SNTG1: variants seen among roughly 807,000 people sequenced by gnomAD.
SNTG1 encodes the protein gamma-1-syntrophin.
A neutral mutation model predicts 74.7 loss-of-function variants in SNTG1; 39 were observed. The observed-to-expected ratio is 0.52, with a 90% CI of 0.40 to 0.68. The LOEUF is 0.68. SNTG1 is among the 30% of genes least tolerant of loss of function. SNTG1 has a pLI of 0.00. For missense variants in SNTG1, 685 were observed against 609.5 expected (o/e 1.12, Z -1.30); for synonymous variants, 254 against 217.1 (o/e 1.17, Z -1.49).
intron 2 of SNTG1, among the ~76,000 whole-genome samples, chr8:50,225,128 G>A (rs767759017): frequency 2.6e-5 from 4 of 152,018 alleles, no homozygotes; most frequent in Admixed American, 6.6e-5. Flanking sequence ...CCACCACCAC[G>A]TCCAGCTAAT....
At position 50,088,441 on chromosome 8, in the gene SNTG1, A is replaced by G. The variant is rs1395613544; in HGVS notation, c.-102-84120A>G. ...AGGAGAAGGAAATAAAGGGTATTCA[A>G]TTAGGAAAAGAGGAAGTCAAATTGT... On this transcript the variant is annotated intron_variant, in intron 1 of 18. Coordinates refer to ENST00000642720, the MANE Select transcript of SNTG1 (RefSeq NM_018967.5). Among the ~76,000 whole-genome samples the G allele has an allele frequency of 1.3e-3, 166 of 127,670 alleles. 1 individual carries two copies. Among genetic ancestry groups the G allele is most frequent in the Non-Finnish European group, 2.0e-3 (121 of 59,216 alleles). 83.8% of individuals were successfully genotyped at this position (127,670 alleles called of 152,430 possible). A position where few individuals can be genotyped will look rare whatever the true frequency, so the allele number is the denominator to read the frequency against.
At chr8:49,929,017 CGTA>C (rs2129353569) in intron 1 of SNTG1, among the ~76,000 whole-genome samples, 1 of 151,692 alleles carries the variant, frequency 6.6e-6, no homozygotes, top group African/African-American at 2.4e-5. Context: ...CAAACACAAA[CGTA>C]GTATAGGAAA....
At chr8:50,774,811 A>C (rs1219103776) in intron 18 of SNTG1, among the ~76,000 whole-genome samples, 1 of 151,664 alleles carries the variant, frequency 6.6e-6, no homozygotes, top group African/African-American at 2.4e-5. Context: ...AATAACCCAA[A>C]GAAGTGGGGG....
intron 8 of SNTG1, among the ~76,000 whole-genome samples, chr8:50,465,759 CT>C (rs1164917711): frequency 6.6e-6 from 1 of 152,072 alleles, no homozygotes; most frequent in Non-Finnish European, 1.5e-5. Context: ...AGATTTATGA[CT>C]TTTTTCCTGG....
At chr8:50,431,454 T>C (rs1230060088) in intron 4 of SNTG1, among the ~76,000 whole-genome samples, 1 of 152,340 alleles carries the variant, frequency 6.6e-6, no homozygotes, top group Admixed American at 6.5e-5. Flanking sequence ...TTGAAGGACA[T>C]CTTATTTGGC....
chr8:50,181,545 G>A (rs2083206206), intron 2 of SNTG1, among the ~76,000 whole-genome samples: 1 of 151,874 alleles, frequency 6.6e-6, no homozygotes, highest in African/African-American at 2.4e-5. Context: ...AATTTAATTG[G>A]GTTTAACTGG....
chr8:50,689,493 C>G (rs2095367966), intron 15 of SNTG1, among the ~76,000 whole-genome samples: 1 of 152,090 alleles, frequency 6.6e-6, no homozygotes, highest in African/African-American at 2.4e-5. Context: ...TTTTCTGCAT[C>G]TATTGAGATA....
chr8:50,054,862 A>G (rs987727907), intron 1 of SNTG1, among the ~76,000 whole-genome samples: 5 of 151,984 alleles, frequency 3.3e-5, no homozygotes, highest in Admixed American at 3.3e-4. Context: ...TTTATTGTAG[A>G]AATGGGGTCT....
chr8:49,994,239 T>A (rs12545072), intron 1 of SNTG1, among the ~76,000 whole-genome samples: 95,905 of 148,720 alleles, frequency 0.64, 34,793 homozygotes, highest in East Asian at 0.83. Flanking sequence ...ATATTCAAGA[T>A]TATTATTTTT....
At chr8:50,008,220 G>T (rs1024297032) in intron 1 of SNTG1, among the ~76,000 whole-genome samples, 1 of 152,064 alleles carries the variant, frequency 6.6e-6, no homozygotes, top group African/African-American at 2.4e-5. Context: ...TTTTGGACAG[G>T]AATATTCACT....
intron 8 of SNTG1, among the ~76,000 whole-genome samples, chr8:50,465,495 T>C (rs1268945458): frequency 2.0e-5 from 3 of 152,224 alleles, no homozygotes; most frequent in Non-Finnish European, 4.4e-5. Flanking sequence ...TCTTTGATTG[T>C]AAATTCAATG....
chr8:49,958,203 G>A (rs995616300), intron 1 of SNTG1, among the ~76,000 whole-genome samples: 3 of 152,110 alleles, frequency 2.0e-5, no homozygotes, highest in African/African-American at 7.2e-5. Flanking sequence ...CCCAGCCTAT[G>A]GGGATCACAG....
chr8:50,646,677 A>C (rs2095111201), intron 13 of SNTG1, among the ~76,000 whole-genome samples: 1 of 152,194 alleles, frequency 6.6e-6, no homozygotes, highest in South Asian at 2.1e-4. Context: ...ACAAATGTAG[A>C]AATGTAATTA....
intron 18 of SNTG1, among the ~76,000 whole-genome samples, chr8:50,763,900 CACACACAA>C (rs1208373248): frequency 6.9e-4 from 68 of 98,944 alleles, no homozygotes; most frequent in African/African-American, 3.7e-3. Context: ...CACACACACA[CACACACAA>C]AAATAACCAA....
intron 1 of SNTG1, among the ~76,000 whole-genome samples, chr8:50,158,645 C>A (rs1184749116): frequency 6.6e-6 from 1 of 152,092 alleles, no homozygotes; most frequent in African/African-American, 2.4e-5. Context: ...AGCTGGAGTT[C>A]ATTGTTTTTT....
chr8:50,322,659 G>A (rs1166089553), intron 2 of SNTG1, among the ~76,000 whole-genome samples: 1 of 152,036 alleles, frequency 6.6e-6, no homozygotes, highest in African/African-American at 2.4e-5. Context: ...CTTAATGGCA[G>A]TAACTCTTAG....
chr8:50,612,548 T>A (rs1056408538), intron 13 of SNTG1, among the ~76,000 whole-genome samples: 7 of 152,224 alleles, frequency 4.6e-5, no homozygotes, highest in Admixed American at 6.5e-5. Flanking sequence ...CACCTTCAGT[T>A]TTCTATGTGA....
At chr8:50,659,034 G>T (rs748931228) in intron 15 of SNTG1, among the ~76,000 whole-genome samples, 23 of 151,874 alleles carry the variant, frequency 1.5e-4, no homozygotes, top group Non-Finnish European at 2.4e-4. Context: ...TGAATAAAAT[G>T]CAAAAGAGAA....
chr8:50,652,688 T>C (rs538672775), intron 13 of SNTG1, among the ~76,000 whole-genome samples: 1 of 152,034 alleles, frequency 6.6e-6, no homozygotes, highest in Non-Finnish European at 1.5e-5. Flanking sequence ...TCCCGGTTAC[T>C]CGGGAGGCTG....
Sources: allele counts gnomAD v4.1 joint callset (sites outside exome capture counted in the v4.1 genomes callset), GRCh38; gene constraint gnomAD v4.1.1; transcripts MANE v1.5; gene names NCBI Gene and HGNC (gene_info 2026-07-23, HGNC 2026-07-21).